Variants in PDE10A observed in about 807,000 individuals in gnomAD.
PDE10A encodes phosphodiesterase 10A.
Under a neutral mutation model 97.7 loss-of-function variants are expected in PDE10A, and 39 were observed. The ratio of observed to expected loss-of-function variants is 0.40; its 90% CI spans 0.31 to 0.52. The LOEUF (loss-of-function observed/expected upper bound fraction) is 0.52, where lower values mean the gene tolerates loss of function less well. Among genes scored for constraint, PDE10A ranks in the 20% least tolerant of loss-of-function variants. PDE10A has a pLI of 0.56. For synonymous variants in PDE10A, 371 were observed against 376.8 expected (o/e 0.98, Z 0.18); for missense variants, 731 against 1,047.8 (o/e 0.70, Z 4.17).
intron 3 of PDE10A, among the ~76,000 whole-genome samples, chr6:165,471,690 T>C (rs1779018939): frequency 6.6e-6 from 1 of 152,152 alleles, no homozygotes; most frequent in Non-Finnish European, 1.5e-5. Flanking sequence ...ATATCTGGAT[T>C]AATCAATAAT....
intron 11 of PDE10A, among the ~76,000 whole-genome samples, chr6:165,417,886 A>T (rs1167069056): frequency 6.6e-6 from 1 of 152,200 alleles, no homozygotes; most frequent in Non-Finnish European, 1.5e-5. Context: ...TTACCAGAGA[A>T]CTTTACGGTG....
chr6:165,871,615 T>C lies in PDE10A; in HGVS notation c.-615+115914A>G, dbSNP rs1781206227. On this transcript the variant is annotated intron_variant, in intron 1 of 19. Transcript: ENST00000366882. ...ATAAGCTGAATTTGAGGTACCCTAG[T>C]GCTCTAAAGGGAGATGTCTGGCGAA... is the stretch of plus-strand genomic sequence containing the variant. 2.0e-5 allele frequency among the ~76,000 whole-genome samples: 3 copies of C among 152,328 alleles called. No individual in the cohort carries two copies. In the South Asian group the frequency reaches 6.2e-4, roughly 32 times the overall value.
At chr6:165,535,230 A>AATATATATATATAT (rs113648418) in intron 2 of PDE10A, among the ~76,000 whole-genome samples, 6 of 148,044 alleles carry the variant, frequency 4.1e-5, no homozygotes, top group African/African-American at 1.5e-4. Flanking sequence ...TGCCTTTTAA[A>AATATATATATATAT]ATATATATAT....
intron 1 of PDE10A, among the ~76,000 whole-genome samples, chr6:165,984,739 C>T (rs1184325631): frequency 6.6e-6 from 1 of 152,084 alleles, no homozygotes; most frequent in Non-Finnish European, 1.5e-5. Flanking sequence ...AAGAAATGCC[C>T]TAGCTCTGAT....
At chr6:165,620,584 T>C (rs575921762) in intron 1 of PDE10A, among the ~76,000 whole-genome samples, 15 of 151,980 alleles carry the variant, frequency 9.9e-5, no homozygotes, top group Non-Finnish European at 8.8e-5. Flanking sequence ...AGTAAATGGA[T>C]GGGTGCACTG....
At chr6:165,681,545 C>G (rs1790978307) in intron 1 of PDE10A, among the ~76,000 whole-genome samples, 1 of 152,154 alleles carries the variant, frequency 6.6e-6, no homozygotes, top group Non-Finnish European at 1.5e-5. Flanking sequence ...TGAAAACCTG[C>G]ATTTCTAACA....
intron 1 of PDE10A, among the ~76,000 whole-genome samples, chr6:165,748,029 G>A (rs889691770): frequency 6.6e-6 from 1 of 152,026 alleles, no homozygotes; most frequent in Admixed American, 6.6e-5. Context: ...ACTGACCCTC[G>A]GGGTAAGAGC....
chr6:165,590,083 T>C (rs1265317606), intron 1 of PDE10A, among the ~76,000 whole-genome samples: 1 of 152,226 alleles, frequency 6.6e-6, no homozygotes, highest in Non-Finnish European at 1.5e-5. Context: ...GATTTTCAGT[T>C]GTACACATCT....
At chr6:165,354,139 A>G (rs1349591918) in intron 18 of PDE10A, among the ~76,000 whole-genome samples, 1 of 152,260 alleles carries the variant, frequency 6.6e-6, no homozygotes, top group Non-Finnish European at 1.5e-5. Flanking sequence ...CTAAGTTCCA[A>G]AAGAAAAGAT....
At chr6:165,493,500 T>A (rs1780344635) in intron 2 of PDE10A, among the ~76,000 whole-genome samples, 1 of 152,186 alleles carries the variant, frequency 6.6e-6, no homozygotes, top group African/African-American at 2.4e-5. Flanking sequence ...TATAGACCAA[T>A]GCAAACAGAA....
intron 18 of PDE10A, 140 bp downstream of exon 18, chr6:165,379,054 A>G (rs1784782539): frequency 3.4e-6 from 2 of 588,116 alleles, no homozygotes; most frequent in South Asian, 2.3e-5. Flanking sequence ...TATAAACAAG[A>G]TGTACATAAA....
intron 1 of PDE10A, among the ~76,000 whole-genome samples, chr6:165,872,137 C>A (rs892020433): frequency 1.3e-5 from 2 of 152,176 alleles, no homozygotes; most frequent in African/African-American, 4.8e-5. Flanking sequence ...TATGAAACAA[C>A]TTAGTACATG....
rs114086087 is a variant in PDE10A at position 165,341,472 on chromosome 6, C to T, written c.2895+1919G>A. Reference sequence around the variant, plus strand: ...ATGCCTTTCTCATAGCAATCCTGTACCTGAACAAAACGTGCATTTTTAGTA... The same window carrying T: ...ATGCCTTTCTCATAGCAATCCTGTATCTGAACAAAACGTGCATTTTTAGTA... On this transcript the variant is annotated intron_variant, in intron 19 of 21. Coordinates refer to ENST00000539869, the MANE Select transcript of PDE10A (RefSeq NM_001385079.1). Among the ~76,000 whole-genome samples, 235 of 152,256 alleles carry T rather than the reference C, an allele frequency of 1.5e-3. 1 individual carries two copies. Among genetic ancestry groups the T allele is most frequent in the African/African-American group, 5.5e-3 (230 of 41,542 alleles).
At chr6:165,362,202 A>C (rs1481883214) in intron 18 of PDE10A, among the ~76,000 whole-genome samples, 5 of 152,184 alleles carry the variant, frequency 3.3e-5, no homozygotes, top group Non-Finnish European at 7.4e-5. Context: ...GAAATACATG[A>C]AATTTGGATG....
At chr6:165,902,442 G>T (rs1782139605) in intron 1 of PDE10A, among the ~76,000 whole-genome samples, 1 of 152,136 alleles carries the variant, frequency 6.6e-6, no homozygotes, top group Non-Finnish European at 1.5e-5. Flanking sequence ...GGTTGCTTTT[G>T]GCATCACATG....
intron 1 of PDE10A, among the ~76,000 whole-genome samples, chr6:165,658,934 C>CT (rs1386391889): frequency 6.6e-6 from 1 of 152,196 alleles, no homozygotes; most frequent in Admixed American, 6.5e-5. Flanking sequence ...CTAGGGGACT[C>CT]TGTCTCTATT....
chr6:165,701,156 T>C (rs9459487), intron 1 of PDE10A, among the ~76,000 whole-genome samples: 4,452 of 152,306 alleles, frequency 0.029, 202 homozygotes, highest in African/African-American at 0.097. Context: ...AAAAGTTATT[T>C]TGCTAAAACA....
chr6:165,807,031 A>G (rs1451962091), intron 1 of PDE10A, among the ~76,000 whole-genome samples: 1 of 152,166 alleles, frequency 6.6e-6, no homozygotes, highest in Non-Finnish European at 1.5e-5. Context: ...GCAAGTTCTC[A>G]ATCTTCATCA....
chr6:165,791,785 A>G (rs1778659685), intron 1 of PDE10A, among the ~76,000 whole-genome samples: 1 of 152,224 alleles, frequency 6.6e-6, no homozygotes, highest in East Asian at 1.9e-4. Flanking sequence ...ACTATTTAGG[A>G]AAAGCGTTTC....
Sources: gnomAD v4.1 joint callset for allele counts (sites outside exome capture counted in the v4.1 genomes callset) on GRCh38, gnomAD v4.1.1 for gene constraint, MANE v1.5 for transcripts, NCBI Gene and HGNC (gene_info 2026-07-23, HGNC 2026-07-21) for gene names.